COG5: variants seen among roughly 807,000 people sequenced by gnomAD.
The protein encoded by COG5 is component of oligomeric golgi complex 5.
A neutral mutation model predicts 110.4 loss-of-function variants in COG5; 86 were observed. That is an observed-to-expected ratio of 0.78 (90% CI 0.65 to 0.93). The LOEUF is 0.93. COG5 is among the 40% of genes least tolerant of loss of function. The pLI is 0.00. For missense variants in COG5, 1,077 were observed against 987.0 expected, an observed-to-expected ratio of 1.09 and a Z score of -1.22; for synonymous variants, 360 against 334.6, an observed-to-expected ratio of 1.08 and a Z score of -0.83.
In COG5 at chr7:107,552,696, T is replaced by C. The variant is rs765572638; in HGVS notation, c.292+1589A>G. Among the ~76,000 whole-genome samples the C allele has an allele frequency of 3.9e-4, 59 of 152,180 alleles. 1 individual carries two copies. Among genetic ancestry groups the C allele is most frequent in the Non-Finnish European group, 8.1e-4 (55 of 68,026 alleles). ...TTTTGGTGGGAAGGTACAGCCACTG[T>C]GGAAAGCAGTTTGGCGATTTCTCAA... On this transcript the variant is annotated intron_variant, in intron 3 of 21. Transcript: ENST00000297135.
chr7:107,221,764 CAA>C (rs1165656626), intron 19 of COG5, among the ~76,000 whole-genome samples: 19 of 61,922 alleles, frequency 3.1e-4, no homozygotes, highest in Non-Finnish European at 2.8e-4. Flanking sequence ...GACTCCGTCT[CAA>C]AAAAAAAAAA....
At chr7:107,506,178 T>G (rs1798981903) in intron 6 of COG5, among the ~76,000 whole-genome samples, 1 of 152,202 alleles carries the variant, frequency 6.6e-6, no homozygotes, top group Non-Finnish European at 1.5e-5. Flanking sequence ...GCAGTATTAT[T>G]CTACCTGGAG....
chr7:107,283,918 G>T (rs1158433621), intron 12 of COG5, among the ~76,000 whole-genome samples, 186 bp from the exon 13 acceptor site: 1 of 143,120 alleles, frequency 7.0e-6, no homozygotes, highest in East Asian at 2.0e-4. Context: ...TAAACATTCA[G>T]GACCATAGTA....
At chr7:107,548,999 T>A (rs929199404) in intron 3 of COG5, among the ~76,000 whole-genome samples, 3 of 152,212 alleles carry the variant, frequency 2.0e-5, no homozygotes, top group African/African-American at 7.2e-5. Context: ...TCTATTAATA[T>A]CTAAATTTAA....
At chr7:107,401,221 A>C (rs1216989333) in intron 7 of COG5, among the ~76,000 whole-genome samples, 1 of 152,148 alleles carries the variant, frequency 6.6e-6, no homozygotes, top group Non-Finnish European at 1.5e-5. Context: ...TTCCATTCAA[A>C]TTTAAGGATA....
At chr7:107,336,926 T>C (rs992975521) in intron 10 of COG5, among the ~76,000 whole-genome samples, 5 of 151,740 alleles carry the variant, frequency 3.3e-5, no homozygotes, top group Admixed American at 6.6e-5. Flanking sequence ...ATCCAGAACA[T>C]AGAAAGAACT....
At chr7:107,559,124 T>C (rs1803574591) in intron 1 of COG5, among the ~76,000 whole-genome samples, 1 of 152,066 alleles carries the variant, frequency 6.6e-6, no homozygotes, top group Non-Finnish European at 1.5e-5. Flanking sequence ...ATAGGAAATA[T>C]AAATTTATAG....
chr7:107,481,474 G>A (rs1330134348), intron 6 of COG5, among the ~76,000 whole-genome samples: 1 of 152,064 alleles, frequency 6.6e-6, no homozygotes, highest in Non-Finnish European at 1.5e-5. Context: ...CTGTAGTGAG[G>A]TAATAATTAT....
chr7:107,520,750 T>A (rs1394392856), intron 6 of COG5, among the ~76,000 whole-genome samples: 1 of 152,196 alleles, frequency 6.6e-6, no homozygotes, highest in Non-Finnish European at 1.5e-5. Context: ...ATGCTATTCC[T>A]ATCAAACTAC....
chr7:107,233,493 TGAG>T (rs1418363409), intron 18 of COG5, among the ~76,000 whole-genome samples: 1 of 152,214 alleles, frequency 6.6e-6, no homozygotes, highest in Non-Finnish European at 1.5e-5. Flanking sequence ...CTGGTGCCAG[TGAG>T]GAGAAGTTAG....
rs528360924 is a variant in COG5 at position 107,412,192 on chromosome 7, G to T, written c.669+310C>A. 2.1e-4 allele frequency among the ~76,000 whole-genome samples: 32 copies of T among 152,214 alleles called. 1 individual carries two copies. The East Asian group carries it at 5.8e-3, about 28-fold the overall frequency. Reference sequence around the variant, plus strand: ...TACTGGGTTGTTGAAGGGCTTAAATGAGGAATCGTGCTTTAGACAAAGCAG... The same window carrying T: ...TACTGGGTTGTTGAAGGGCTTAAATTAGGAATCGTGCTTTAGACAAAGCAG... On this transcript the variant is annotated intron_variant, in intron 7 of 21. Transcript: ENST00000297135.
At chr7:107,308,437 A>C (rs1326124148) in intron 11 of COG5, among the ~76,000 whole-genome samples, 2 of 152,178 alleles carry the variant, frequency 1.3e-5, no homozygotes, top group African/African-American at 4.8e-5. Context: ...CATTTCTAAC[A>C]GGACTACTGC....
chr7:107,454,981 G>T (rs138311302), intron 6 of COG5, among the ~76,000 whole-genome samples: 80 of 152,248 alleles, frequency 5.3e-4, no homozygotes, highest in African/African-American at 1.8e-3. Flanking sequence ...ATGAAATAAA[G>T]AAAATGTTGC....
rs1435982743 is a variant in COG5 at position 107,203,374 on chromosome 7, GTAAA to G, written c.*138_*141del. 189 of 702,558 alleles carry G rather than the reference GTAAA, an allele frequency of 2.7e-4. 2 individuals are homozygous for G. In the East Asian group the frequency reaches 4.9e-3, roughly 18 times the overall value. The allele number at this position is 702,558 out of a possible 1,614,324, so 43.5% of individuals were successfully genotyped here. On this transcript the variant is annotated 3_prime_UTR_variant, in exon 22 of 22. Coordinates refer to ENST00000297135, the MANE Select transcript of COG5 (RefSeq NM_006348.5). The stretch of plus-strand genomic sequence containing the variant: ...ATGCTAAAGTATAAGTGCTAAAGAG[GTAAA>G]TAAACGTCGATAGGAAATACCGAAC...
At chr7:107,471,338 C>T (rs937341803) in intron 6 of COG5, 1 of 151,572 alleles carries the variant, frequency 6.6e-6, no homozygotes, top group African/African-American at 2.4e-5. Flanking sequence ...TATTAAAAAC[C>T]CTATTTCTTA....
At chr7:107,300,685 A>C (rs778820645) in intron 11 of COG5, among the ~76,000 whole-genome samples, 4 of 152,186 alleles carry the variant, frequency 2.6e-5, no homozygotes, top group Non-Finnish European at 4.4e-5. Context: ...ATATAAATGG[A>C]AAGAGAGAAT....
chr7:107,299,032 A>G (rs1807014594), intron 11 of COG5, among the ~76,000 whole-genome samples: 2 of 152,174 alleles, frequency 1.3e-5, no homozygotes, highest in African/African-American at 4.8e-5. Context: ...GATGTCACCA[A>G]AGGAGTACTT....
At chr7:107,285,349 G>A (rs1805539845) in intron 12 of COG5, among the ~76,000 whole-genome samples, 1 of 152,130 alleles carries the variant, frequency 6.6e-6, no homozygotes, top group Non-Finnish European at 1.5e-5. Context: ...GACCTCAGAA[G>A]CCTCTTCCCA....
At chr7:107,282,191 G>A (rs1206789331) in intron 13 of COG5, among the ~76,000 whole-genome samples, 1 of 152,104 alleles carries the variant, frequency 6.6e-6, no homozygotes, top group Non-Finnish European at 1.5e-5. Flanking sequence ...AGCATACTAT[G>A]TGTAACAAAA....
Sources: allele counts gnomAD v4.1 joint callset (sites outside exome capture counted in the v4.1 genomes callset), GRCh38; gene constraint gnomAD v4.1.1; transcripts MANE v1.5; gene names NCBI Gene and HGNC (gene_info 2026-07-23, HGNC 2026-07-21).